The following SCHIP1 variants were observed in gnomAD, a reference collection of about 807,000 sequenced individuals.
The protein encoded by SCHIP1 is schwannomin-interacting protein 1.
In SCHIP1, 8 loss-of-function variants were observed where a neutral mutation model predicts 29.7. The ratio of observed to expected loss-of-function variants is 0.27; its 90% CI spans 0.16 to 0.49. SCHIP1 has a LOEUF of 0.49. SCHIP1 is among the 20% of genes least tolerant of loss of function. The pLI is 0.99. For synonymous variants in SCHIP1, 76 were observed against 94.9 expected, an observed-to-expected ratio of 0.80 and a Z score of 1.16; for missense variants, 193 against 294.6, an observed-to-expected ratio of 0.66 and a Z score of 2.52.
the SCHIP1 span, among the ~76,000 whole-genome samples, chr3:159,446,484 A>C: frequency 6.6e-6 from 1 of 152,104 alleles, no homozygotes; most frequent in East Asian, 1.9e-4. Context: ...ACAGCAATAC[A>C]GTATTGTTGC....
the SCHIP1 span, among the ~76,000 whole-genome samples, chr3:159,559,236 C>CT: frequency 4.6e-5 from 7 of 152,178 alleles, no homozygotes; most frequent in Non-Finnish European, 1.0e-4. Flanking sequence ...GCTTGGGTCT[C>CT]TAATTTGCAT....
the SCHIP1 span, among the ~76,000 whole-genome samples, chr3:159,413,404 A>T: frequency 6.6e-6 from 1 of 152,170 alleles, no homozygotes; most frequent in South Asian, 2.1e-4. Context: ...GAACTTTTAA[A>T]ACCTTTGTAC....
the SCHIP1 span, among the ~76,000 whole-genome samples, chr3:159,798,528 C>G: frequency 6.6e-6 from 1 of 151,900 alleles, no homozygotes; most frequent in African/African-American, 2.4e-5. Flanking sequence ...AAGGCAGAAG[C>G]GGGGGGATCA....
chr3:159,671,673 T>C, the SCHIP1 span, among the ~76,000 whole-genome samples: 1 of 152,182 alleles, frequency 6.6e-6, no homozygotes, highest in Non-Finnish European at 1.5e-5. Flanking sequence ...TAAGCTGTCT[T>C]CTGCTGGCAT....
the SCHIP1 span, among the ~76,000 whole-genome samples, chr3:159,293,798 T>A: frequency 2.0e-5 from 3 of 152,158 alleles, no homozygotes; most frequent in African/African-American, 7.2e-5. Context: ...GGGCAAAAAA[T>A]AATTCTCTCT....
chr3:159,868,250 C>T (rs889757767), intron 2 of SCHIP1, among the ~76,000 whole-genome samples: 3 of 151,186 alleles, frequency 2.0e-5, no homozygotes, highest in Non-Finnish European at 4.4e-5. Context: ...TATCCTTGTG[C>T]CACTCTCCAG....
At chr3:159,347,917 T>C in the SCHIP1 span, among the ~76,000 whole-genome samples, 2 of 152,160 alleles carry the variant, frequency 1.3e-5, no homozygotes. Context: ...TATATCCCAA[T>C]TTGAAAAGAG....
At chr3:159,597,027 T>G in the SCHIP1 span, among the ~76,000 whole-genome samples, 1 of 151,330 alleles carries the variant, frequency 6.6e-6, no homozygotes, top group African/African-American at 2.4e-5. Flanking sequence ...TTACAGAACT[T>G]GAATTTAAAT....
chr3:159,825,750 T>A, the SCHIP1 span, among the ~76,000 whole-genome samples: 14 of 152,204 alleles, frequency 9.2e-5, no homozygotes, highest in African/African-American at 3.1e-4. Context: ...CAAATCAACG[T>A]TACAAATCCC....
chr3:159,366,119 A>T, the SCHIP1 span, among the ~76,000 whole-genome samples: 1 of 152,188 alleles, frequency 6.6e-6, no homozygotes, highest in African/African-American at 2.4e-5. Flanking sequence ...GGAAGATTCC[A>T]ATCATGGCAG....
chr3:159,792,829 G>C, the SCHIP1 span, among the ~76,000 whole-genome samples: 16 of 152,182 alleles, frequency 1.1e-4, no homozygotes, highest in Non-Finnish European at 1.8e-4. Flanking sequence ...TTGGGGTTGG[G>C]TGTAGAGATG....
the SCHIP1 span, among the ~76,000 whole-genome samples, chr3:159,664,626 T>C: frequency 6.6e-6 from 1 of 152,232 alleles, no homozygotes; most frequent in Non-Finnish European, 1.5e-5. Flanking sequence ...TAATGAAACA[T>C]GTGTTGCCAC....
At chr3:159,458,976 C>T in the SCHIP1 span, among the ~76,000 whole-genome samples, 1 of 152,144 alleles carries the variant, frequency 6.6e-6, no homozygotes, top group Non-Finnish European at 1.5e-5. Flanking sequence ...GACTTGTTTT[C>T]ACTGAATACC....
intron 2 of SCHIP1, among the ~76,000 whole-genome samples, chr3:159,877,253 G>A (rs1166821519): frequency 6.6e-6 from 1 of 152,200 alleles, no homozygotes; most frequent in East Asian, 1.9e-4. Context: ...AGGAGGCTGA[G>A]GCAGGAGAAT....
chr3:159,449,892 A>G, the SCHIP1 span, among the ~76,000 whole-genome samples: 1 of 152,062 alleles, frequency 6.6e-6, no homozygotes, highest in East Asian at 1.9e-4. Flanking sequence ...AAAGAAGGGA[A>G]GAAAAAGAGA....
chr3:159,614,071 T>C, the SCHIP1 span, among the ~76,000 whole-genome samples: 772 of 152,332 alleles, frequency 5.1e-3, 11 homozygotes, highest in African/African-American at 0.017. Flanking sequence ...ATGAGGAATC[T>C]AGGGTTCAGA....
At chr3:159,687,342 C>T in the SCHIP1 span, among the ~76,000 whole-genome samples, 2 of 152,078 alleles carry the variant, frequency 1.3e-5, no homozygotes, top group Non-Finnish European at 2.9e-5. Flanking sequence ...TGTCAAGCTT[C>T]TTACCCATCT....
At chr3:159,692,766 TAC>T in the SCHIP1 span, among the ~76,000 whole-genome samples, 4 of 103,780 alleles carry the variant, frequency 3.9e-5, no homozygotes, top group Admixed American at 2.2e-4. Context: ...GAAGGAAAAA[TAC>T]GTCCAATAAT....
At chr3:159,324,121 T>C in the SCHIP1 span, among the ~76,000 whole-genome samples, 14 of 152,300 alleles carry the variant, frequency 9.2e-5, no homozygotes, top group African/African-American at 3.4e-4. Flanking sequence ...GGCGGGTTAC[T>C]GCAGCCTGTG....
Sources: gnomAD v4.1 joint callset for allele counts (sites outside exome capture counted in the v4.1 genomes callset) on GRCh38, gnomAD v4.1.1 for gene constraint, MANE v1.5 for transcripts, NCBI Gene and HGNC (gene_info 2026-07-23, HGNC 2026-07-21) for gene names.